PDE1A: variants seen among roughly 807,000 people sequenced by gnomAD.
PDE1A encodes dual specificity calcium/calmodulin-dependent 3',5'-cyclic nucleotide phosphodiesterase 1A.
A neutral mutation model predicts 61.7 loss-of-function variants in PDE1A; 35 were observed. That is an observed-to-expected ratio of 0.57 (90% CI 0.43 to 0.75). The LOEUF (loss-of-function observed/expected upper bound fraction) is 0.75, where lower values mean the gene tolerates loss of function less well. Among genes scored for constraint, PDE1A ranks in the 30% least tolerant of loss-of-function variants. PDE1A has a pLI of 0.00. For synonymous variants in PDE1A, 232 were observed against 213.2 expected (o/e 1.09, Z -0.77); for missense variants, 597 against 630.6 (o/e 0.95, Z 0.57).
At chr2:182,615,226 G>C in the PDE1A span, among the ~76,000 whole-genome samples, 1 of 152,056 alleles carries the variant, frequency 6.6e-6, no homozygotes, top group African/African-American at 2.4e-5. Flanking sequence ...ATAAAAGTAG[G>C]CTGCAGTTCT....
intron 1 of PDE1A, among the ~76,000 whole-genome samples, chr2:182,389,362 G>T (rs915783740): frequency 2.0e-5 from 3 of 152,026 alleles, no homozygotes; most frequent in Non-Finnish European, 4.4e-5. Flanking sequence ...GAATATATGA[G>T]GTTGTGTATA....
chr2:182,428,385 A>G (rs936677662), upstream of PDE1A, among the ~76,000 whole-genome samples: 2 of 152,096 alleles, frequency 1.3e-5, no homozygotes, highest in African/African-American at 4.8e-5. Context: ...TACTTCAAAA[A>G]CTACACACTT....
intron 2 of PDE1A, among the ~76,000 whole-genome samples, chr2:182,512,423 T>C (rs1574834649): frequency 1.3e-5 from 2 of 151,984 alleles, no homozygotes; most frequent in Non-Finnish European, 2.9e-5. Flanking sequence ...CTCAAGTGCA[T>C]GAAAGAATAT....
At chr2:182,489,726 C>G (rs1688259338) in intron 2 of PDE1A, among the ~76,000 whole-genome samples, 1 of 152,118 alleles carries the variant, frequency 6.6e-6, no homozygotes, top group African/African-American at 2.4e-5. Flanking sequence ...CAGGAAGAGA[C>G]AGTTTTCCAG....
chr2:182,512,663 C>A (rs1689879569), intron 2 of PDE1A, among the ~76,000 whole-genome samples: 2 of 152,050 alleles, frequency 1.3e-5, no homozygotes, highest in African/African-American at 4.8e-5. Flanking sequence ...TATTGCAATT[C>A]AAGAGAAACT....
chr2:182,680,099 A>T, the PDE1A span, among the ~76,000 whole-genome samples: 1 of 152,248 alleles, frequency 6.6e-6, no homozygotes, highest in East Asian at 1.9e-4. Context: ...AAATATGGTC[A>T]GTCAGTTCTG....
the PDE1A span, among the ~76,000 whole-genome samples, chr2:182,691,413 A>G: frequency 6.6e-6 from 1 of 152,248 alleles, no homozygotes; most frequent in Non-Finnish European, 1.5e-5. Context: ...AAACCTGACA[A>G]AAACAAGAAA....
At chr2:182,236,305 A>G (rs1690005696) in intron 3 of PDE1A, among the ~76,000 whole-genome samples, 1 of 90,388 alleles carries the variant, frequency 1.1e-5, no homozygotes, top group Non-Finnish European at 2.4e-5. Context: ...ATCATACTAT[A>G]CAAGATCTAG....
the PDE1A span, among the ~76,000 whole-genome samples, chr2:182,649,884 A>G: frequency 9.2e-5 from 14 of 152,122 alleles, no homozygotes; most frequent in Non-Finnish European, 1.8e-4. Flanking sequence ...CTGGGATTAC[A>G]GGTGTGAGCC....
intron 2 of PDE1A, among the ~76,000 whole-genome samples, chr2:182,260,995 T>C (rs1050148644): frequency 2.6e-5 from 4 of 152,336 alleles, no homozygotes; most frequent in Non-Finnish European, 4.4e-5. Flanking sequence ...CTGGTAATAA[T>C]AGAGTTTCTA....
At chr2:182,146,539 A>G (rs923936127), downstream of PDE1A, among the ~76,000 whole-genome samples, 1 of 152,118 alleles carries the variant, frequency 6.6e-6, no homozygotes, top group East Asian at 1.9e-4. Flanking sequence ...TGGCTGTAGT[A>G]TAGTGGCCTG....
intron 4 of PDE1A, among the ~76,000 whole-genome samples, chr2:182,233,202 A>C (rs1689722916): frequency 6.6e-6 from 1 of 152,228 alleles, no homozygotes; most frequent in African/African-American, 2.4e-5. Context: ...ATCTCTCAAG[A>C]ACCGAGGAAT....
At chr2:182,149,827 A>G (rs1471638485) in intron 13 of PDE1A, among the ~76,000 whole-genome samples, 1 of 152,210 alleles carries the variant, frequency 6.6e-6, no homozygotes, top group Non-Finnish European at 1.5e-5. Context: ...CCAAGGTTCC[A>G]AATGGTTTTG....
the PDE1A span, among the ~76,000 whole-genome samples, chr2:182,641,026 A>AAAAAAAAAAAAC: frequency 6.6e-6 from 1 of 150,528 alleles, no homozygotes; most frequent in Non-Finnish European, 1.5e-5. Flanking sequence ...TCTCAAAAAA[A>AAAAAAAAAAAAC]AAAAGAAGAA....
At chr2:182,144,945 T>C (rs1185141552), downstream of PDE1A, among the ~76,000 whole-genome samples, 2 of 152,176 alleles carry the variant, frequency 1.3e-5, no homozygotes, top group Non-Finnish European at 2.9e-5. Context: ...AGCCTTCAGA[T>C]TGGGTGTGCT....
chr2:182,632,792 T>A, the PDE1A span, among the ~76,000 whole-genome samples: 1 of 152,154 alleles, frequency 6.6e-6, no homozygotes, highest in African/African-American at 2.4e-5. Flanking sequence ...CCCACAATTT[T>A]AAATAAAAGT....
chr2:182,567,677 T>C, the PDE1A span, among the ~76,000 whole-genome samples: 2 of 152,222 alleles, frequency 1.3e-5, no homozygotes, highest in Non-Finnish European at 2.9e-5. Flanking sequence ...ATATTCATTT[T>C]GATTTTTTTA....
At chr2:182,397,386 T>C (rs1261490193) in intron 1 of PDE1A, among the ~76,000 whole-genome samples, 1 of 152,152 alleles carries the variant, frequency 6.6e-6, no homozygotes, top group Non-Finnish European at 1.5e-5. Flanking sequence ...CCAAAAGTGA[T>C]TGTAAAACAC....
the PDE1A span, among the ~76,000 whole-genome samples, chr2:182,713,431 G>A: frequency 6.6e-6 from 1 of 152,078 alleles, no homozygotes; most frequent in Non-Finnish European, 1.5e-5. Context: ...AGGAGTTCGA[G>A]ACCAGCCTGA....
Sources: gnomAD v4.1 joint callset for allele counts (sites outside exome capture counted in the v4.1 genomes callset) on GRCh38, gnomAD v4.1.1 for gene constraint, MANE v1.5 for transcripts, NCBI Gene and HGNC (gene_info 2026-07-23, HGNC 2026-07-21) for gene names.